CDH23: variants seen among roughly 807,000 people sequenced by gnomAD.
CDH23 encodes the protein cadherin related 23.
In CDH23, 189 loss-of-function variants were observed where a neutral mutation model predicts 317.1. The observed-to-expected ratio is 0.60, with a 90% CI of 0.53 to 0.67. The LOEUF is 0.67. Among genes scored for constraint, CDH23 ranks in the 30% least tolerant of loss-of-function variants. The pLI is 0.00. For missense variants in CDH23, 4,401 were observed against 4,592.4 expected (o/e 0.96, Z 1.20); for synonymous variants, 1,839 against 1,876.8 (o/e 0.98, Z 0.52).
chr10:71,446,511 C>T, intron 3 of CDH23, 116 bp downstream of exon 3: 2 of 1,087,274 alleles, frequency 1.8e-6, no homozygotes, highest in African/African-American at 3.1e-5. Flanking sequence ...GGAATCTTTT[C>T]CATTGTGTAG....
At chr10:71,468,117 C>T (rs1056424924) in intron 3 of CDH23, among the ~76,000 whole-genome samples, 1 of 152,206 alleles carries the variant, frequency 6.6e-6, no homozygotes, top group Non-Finnish European at 1.5e-5. Context: ...GTGACCTGGC[C>T]CCCTGTCCTC....
At chr10:71,612,697 C>T (rs1436038019) in intron 9 of CDH23, among the ~76,000 whole-genome samples, 2 of 152,232 alleles carry the variant, frequency 1.3e-5, no homozygotes, top group Non-Finnish European at 2.9e-5. Flanking sequence ...AGTGGGAGGC[C>T]GGAGGCTCTG....
chr10:71,506,317 G>A (rs1168227595), intron 3 of CDH23, among the ~76,000 whole-genome samples: 2 of 152,194 alleles, frequency 1.3e-5, no homozygotes, highest in East Asian at 1.9e-4. Flanking sequence ...GGTGATGGTT[G>A]CACAGCATCG....
chr10:71,739,870 C>CTGG (rs1045291963), intron 36 of CDH23, 98 bp downstream of exon 36: 98 of 1,382,326 alleles, frequency 7.1e-5, no homozygotes, highest in Non-Finnish European at 9.0e-5. Flanking sequence ...TCAGCACACT[C>CTGG]TGGTGGTCAG....
intron 11 of CDH23, among the ~76,000 whole-genome samples, chr10:71,626,313 G>C (rs111993936): frequency 6.6e-6 from 1 of 152,112 alleles, no homozygotes; most frequent in Non-Finnish European, 1.5e-5. Context: ...CTCCCCACTC[G>C]GGCCTTTACT....
intron 17 of CDH23, among the ~76,000 whole-genome samples, chr10:71,680,094 G>A (rs757359174): frequency 2.6e-5 from 4 of 152,228 alleles, no homozygotes; most frequent in African/African-American, 4.8e-5. Flanking sequence ...GTTGCCTTGC[G>A]AGCCTCAGCT....
chr10:71,471,568 T>C (rs182585677), intron 3 of CDH23, among the ~76,000 whole-genome samples: 1 of 150,676 alleles, frequency 6.6e-6, no homozygotes, highest in Admixed American at 6.6e-5. Flanking sequence ...CCAGCCACCT[T>C]CCTGGACTCC....
At chr10:71,723,899 C>A in intron 28 of CDH23, 146 bp from the exon 29 acceptor site, 1 of 869,190 alleles carries the variant, frequency 1.2e-6, no homozygotes, top group Non-Finnish European at 1.9e-6. Context: ...GTCCCCTTGT[C>A]TCCCACACCC....
At chr10:71,764,038 A>C (rs1840467096) in intron 38 of CDH23, among the ~76,000 whole-genome samples, 1 of 152,196 alleles carries the variant, frequency 6.6e-6, no homozygotes. Context: ...GGGTGAGCAG[A>C]GATTTCAGAA....
intron 18 of CDH23, among the ~76,000 whole-genome samples, chr10:71,683,358 T>C (rs2132684756): frequency 6.6e-6 from 1 of 152,346 alleles, no homozygotes; most frequent in Middle Eastern, 3.4e-3. Context: ...GCGCTGTGAT[T>C]TCACATAAGC....
At chr10:71,480,255 G>T (rs1851998277) in intron 3 of CDH23, among the ~76,000 whole-genome samples, 1 of 152,230 alleles carries the variant, frequency 6.6e-6, no homozygotes, top group Non-Finnish European at 1.5e-5. Context: ...GACCTGTGGT[G>T]TTCAGTCTGC....
rs375900265 is a variant in CDH23, at chr10:71,793,565, G to A, written c.6637G>A (p.Gly2213Ser). 1.4e-4 allele frequency: 229 copies of A among 1,612,686 alleles called. No individual in the cohort carries two copies. Among genetic ancestry groups the A allele is most frequent in the South Asian group, 7.0e-4 (64 of 91,066 alleles). The stretch of plus-strand genomic sequence containing the variant: ...CCCAAAGCTAGAGTACCACATTGTC[G>A]GCATTGTGGCCAAGGACGACACTGA... ...LNPKLEYHIV[G>S]IVAKDDTDRL... is the part of the protein sequence containing the mutation. Residue 2213 changes from glycine to serine, a missense_variant, in exon 48 of 70, where the codon GGC becomes AGC. Gly to Ser is a moderately conservative substitution (Grantham distance 56). Transcript: ENST00000224721.
chr10:71,427,018 G>C (rs920088899), intron 1 of CDH23, among the ~76,000 whole-genome samples: 6 of 151,698 alleles, frequency 4.0e-5, no homozygotes, highest in Admixed American at 2.6e-4. Flanking sequence ...AGGCATAGTG[G>C]CACGCTCCTG....
chr10:71,554,651 C>A (rs1856783229), intron 6 of CDH23, among the ~76,000 whole-genome samples: 1 of 152,102 alleles, frequency 6.6e-6, no homozygotes, highest in Non-Finnish European at 1.5e-5. Context: ...TTAGACAGGA[C>A]TCTTCTTATA....
chr10:71,514,968 T>C (rs1363666653), intron 6 of CDH23, among the ~76,000 whole-genome samples: 2 of 152,210 alleles, frequency 1.3e-5, no homozygotes, highest in African/African-American at 4.8e-5. Flanking sequence ...AGTACCTCCG[T>C]TAGGGGCGCG....
At chr10:71,432,825 T>C (rs1428019731) in intron 1 of CDH23, among the ~76,000 whole-genome samples, 2 of 152,134 alleles carry the variant, frequency 1.3e-5, no homozygotes, top group Admixed American at 1.3e-4. Flanking sequence ...CGGCCCAGGA[T>C]AAAAGGAGCT....
rs1840926852 is a variant in CDH23, at chr10:71,780,609, G to A, written c.5368+1162G>A. On this transcript the variant is annotated intron_variant, in intron 41 of 69. Transcript: ENST00000224721. The stretch of plus-strand genomic sequence containing the variant: ...GAAGAAATGAGACCAGAGAGGTAAT[G>A]GGGCCAGATGTTGTCGGGCCTTGAG... Among the ~76,000 whole-genome samples the A allele has an allele frequency of 2.6e-5, 4 of 152,154 alleles. 1 individual carries two copies. Among genetic ancestry groups the A allele is most frequent in the Non-Finnish European group, 4.4e-5 (3 of 68,030 alleles).
chr10:71,785,767 G>T, intron 44 of CDH23, 29 bp downstream of exon 44: 1 of 1,401,788 alleles, frequency 7.1e-7, no homozygotes. Flanking sequence ...GGTGGGAGTG[G>T]GCTGGGAGCT....
In CDH23 at chr10:71,439,917, G is replaced by T. The variant is rs115543769; in HGVS notation, c.67+19G>T. ...TGCTGGGGTAAGTCCAGTCCTCCCCGTGTCTATCCCATGGGCAGCCTCTGC... is the reference window on the plus strand; with the variant it reads ...TGCTGGGGTAAGTCCAGTCCTCCCCTTGTCTATCCCATGGGCAGCCTCTGC... On this transcript the variant is annotated intron_variant, in intron 2 of 69. Coordinates refer to ENST00000224721, the MANE Select transcript of CDH23 (RefSeq NM_022124.6). 6 of 1,559,276 alleles carry T rather than the reference G, an allele frequency of 3.8e-6. No homozygotes were observed. The African/African-American group carries it at 6.8e-5, about 18-fold the overall frequency.
Sources: allele counts gnomAD v4.1 joint callset (sites outside exome capture counted in the v4.1 genomes callset), GRCh38; gene constraint gnomAD v4.1.1; transcripts MANE v1.5; gene names NCBI Gene and HGNC (gene_info 2026-07-23, HGNC 2026-07-21).